SOX5: variants seen among roughly 807,000 people sequenced by gnomAD.
SOX5 encodes the protein SRY-box transcription factor 5.
A neutral mutation model predicts 92.0 loss-of-function variants in SOX5; 9 were observed. That is an observed-to-expected ratio of 0.10 (90% CI 0.06 to 0.17). The LOEUF (loss-of-function observed/expected upper bound fraction) is 0.17. Among genes scored for constraint, SOX5 ranks in the 10% least tolerant of loss-of-function variants. SOX5 has a pLI of 1.00. For missense variants in SOX5, 642 were observed against 944.5 expected (o/e 0.68, Z 4.20); for synonymous variants, 344 against 336.3 (o/e 1.02, Z -0.25).
chr12:23,778,373 A>G (rs980354139), intron 3 of SOX5, among the ~76,000 whole-genome samples: 2 of 152,212 alleles, frequency 1.3e-5, no homozygotes, highest in Non-Finnish European at 2.9e-5. Flanking sequence ...ACCAAGTTTT[A>G]TAAGCTAAAA....
At chr12:23,932,848 A>G (rs1941741713) in intron 1 of SOX5, among the ~76,000 whole-genome samples, 1 of 151,676 alleles carries the variant, frequency 6.6e-6, no homozygotes, top group South Asian at 2.1e-4. Flanking sequence ...CATAAACAGA[A>G]GTTCTAGAAT....
At chr12:23,854,445 A>T (rs2096666147) in intron 2 of SOX5, among the ~76,000 whole-genome samples, 1 of 152,092 alleles carries the variant, frequency 6.6e-6, no homozygotes, top group Non-Finnish European at 1.5e-5. Context: ...CAGTTATATT[A>T]TACAGTTATA....
intron 6 of SOX5, among the ~76,000 whole-genome samples, chr12:23,679,381 A>ACTGACG (rs1296336911): frequency 6.6e-6 from 1 of 152,118 alleles, no homozygotes; most frequent in Non-Finnish European, 1.5e-5. Context: ...GTGGAATACC[A>ACTGACG]CTGACGCTGC....
chr12:24,534,024 C>CA (rs1951418601), intron 1 of SOX5, among the ~76,000 whole-genome samples: 1 of 152,064 alleles, frequency 6.6e-6, no homozygotes, highest in East Asian at 1.9e-4. Context: ...CCATTCCTAC[C>CA]CACCAATCAT....
At chr12:24,168,049 G>A (rs1953634605) in intron 4 of SOX5, among the ~76,000 whole-genome samples, 1 of 152,172 alleles carries the variant, frequency 6.6e-6, no homozygotes, top group South Asian at 2.1e-4. Flanking sequence ...AGAAGGGAAG[G>A]CAAGGGGCTG....
intron 4 of SOX5, among the ~76,000 whole-genome samples, chr12:24,202,432 T>C (rs1358249349): frequency 6.6e-6 from 1 of 152,142 alleles, no homozygotes; most frequent in East Asian, 1.9e-4. Context: ...TCCCACAAAT[T>C]AACATATTAT....
In SOX5 at chr12:24,454,925, C is replaced by T. The variant is rs113120579; in HGVS notation, c.-250-86286G>A. Among the ~76,000 whole-genome samples the T allele has an allele frequency of 6.2e-4, 95 of 152,218 alleles. 1 individual carries two copies. The highest frequency in any genetic ancestry group is 1.9e-3 in the African/African-American group (77 of 41,526). ...CTGACACAAATAGAAATCACTTTCACTCTCTCTTCTTAGAAAAAAAGATGA... is the reference window on the plus strand; with the variant it reads ...CTGACACAAATAGAAATCACTTTCATTCTCTCTTCTTAGAAAAAAAGATGA... On this transcript the variant is annotated intron_variant, in intron 1 of 4. Coordinates refer to the SOX5 transcript ENST00000446891.
At chr12:23,749,374 A>ATG (rs2094111269) in intron 4 of SOX5, among the ~76,000 whole-genome samples, 2 of 151,910 alleles carry the variant, frequency 1.3e-5, no homozygotes, top group South Asian at 4.1e-4. Context: ...TTACCTTTTT[A>ATG]AATATGTTTA....
chr12:23,608,783 G>A (rs2075590682), intron 8 of SOX5, among the ~76,000 whole-genome samples: 1 of 152,116 alleles, frequency 6.6e-6, no homozygotes, highest in African/African-American at 2.4e-5. Flanking sequence ...AAAGCACATG[G>A]TAAAGAATGC....
At chr12:24,529,012 G>A (rs1028888886) in intron 1 of SOX5, among the ~76,000 whole-genome samples, 28 of 152,088 alleles carry the variant, frequency 1.8e-4, no homozygotes, top group African/African-American at 6.8e-4. Context: ...GCAATCTTGT[G>A]AAATATGTAT....
chr12:24,134,859 A>C (rs1676621020), intron 4 of SOX5, among the ~76,000 whole-genome samples: 1 of 152,234 alleles, frequency 6.6e-6, no homozygotes, highest in South Asian at 2.1e-4. Flanking sequence ...CATAATGATT[A>C]GTTTCCACTA....
At chr12:24,338,703 T>A (rs540961708) in intron 2 of SOX5, among the ~76,000 whole-genome samples, 4 of 152,178 alleles carry the variant, frequency 2.6e-5, no homozygotes, top group Admixed American at 2.0e-4. Flanking sequence ...TGAGGGCAGT[T>A]TTTTCCCTGT....
rs1009968663 is a variant in SOX5, at chr12:24,054,839, G to A, written c.-2+158504C>T. ...GCATGTATAAATTGGGGGAGAAGAG[G>A]TATAACCTTGTTTAAAAGTATCAGC... On this transcript the variant is annotated intron_variant, in intron 4 of 4. Coordinates refer to the SOX5 transcript ENST00000446891. 3.9e-5 allele frequency among the ~76,000 whole-genome samples: 6 copies of A among 152,290 alleles called. No individual in the cohort carries two copies. In the East Asian group the frequency reaches 1.2e-3, roughly 29 times the overall value.
At chr12:23,787,878 G>GAT (rs1200504431) in intron 3 of SOX5, among the ~76,000 whole-genome samples, 1 of 151,800 alleles carries the variant, frequency 6.6e-6, no homozygotes, top group Non-Finnish European at 1.5e-5. Flanking sequence ...CTTTAGCAGA[G>GAT]ATAATACATA....
At chr12:23,858,374 G>T (rs2136328393) in intron 2 of SOX5, among the ~76,000 whole-genome samples, 1 of 152,134 alleles carries the variant, frequency 6.6e-6, no homozygotes, top group South Asian at 2.1e-4. Flanking sequence ...ATTTAAAATT[G>T]GGCAAGGGAC....
chr12:23,604,230 A>G (rs1531603), intron 9 of SOX5, 157 bp downstream of exon 9: 183,335 of 638,428 alleles, frequency 0.29, 27,795 homozygotes, highest in East Asian at 0.45. Flanking sequence ...ATGTATGCAG[A>G]TAAGTTGACA....
chr12:23,533,272 A>C lies in SOX5; in HGVS notation c.*947T>G. On this transcript the variant is annotated 3_prime_UTR_variant, in exon 15 of 15. Coordinates refer to ENST00000451604, the MANE Select transcript of SOX5 (RefSeq NM_006940.6). ...ACATACATACACACAAAAATCCAAG[A>C]TCAGAAAATATTTTTCTCTAAATTT... is the stretch of plus-strand genomic sequence containing the variant. The C allele has an allele frequency of 2.5e-6, 1 of 403,980 alleles. No individual in the cohort carries two copies. The highest frequency in any genetic ancestry group is 5.2e-6 in the Non-Finnish European group (1 of 193,024). The allele number at this position is 403,980 out of a possible 1,614,324, so 25.0% of individuals were successfully genotyped here.
chr12:24,065,579 A>G (rs1940545109), intron 4 of SOX5, among the ~76,000 whole-genome samples: 1 of 147,764 alleles, frequency 6.8e-6, no homozygotes, highest in South Asian at 2.2e-4. Flanking sequence ...CCCGGGAGGC[A>G]GAGGTTGCAG....
At chr12:24,273,384 T>C (rs184618253) in intron 3 of SOX5, among the ~76,000 whole-genome samples, 115 of 152,376 alleles carry the variant, frequency 7.5e-4, no homozygotes, top group African/African-American at 2.4e-3. Context: ...GTTATAGAAC[T>C]ATTCAAGTTC....
Sources: allele counts gnomAD v4.1 joint callset (sites outside exome capture counted in the v4.1 genomes callset), GRCh38; gene constraint gnomAD v4.1.1; transcripts MANE v1.5; gene names NCBI Gene and HGNC (gene_info 2026-07-23, HGNC 2026-07-21).